The following DGKB variants were observed in gnomAD, a reference collection of about 807,000 sequenced individuals.
The protein encoded by DGKB is diacylglycerol kinase beta, also known as 90 kDa diacylglycerol kinase.
In DGKB, 67 loss-of-function variants were observed where a neutral mutation model predicts 114.3. That is an observed-to-expected ratio of 0.59 (90% CI 0.48 to 0.72). The LOEUF (loss-of-function observed/expected upper bound fraction) is 0.72, where lower values mean the gene tolerates loss of function less well. DGKB is among the 30% of genes least tolerant of loss of function. DGKB has a pLI of 0.00. For synonymous variants in DGKB, 398 were observed against 323.1 expected (o/e 1.23, Z -2.49); for missense variants, 907 against 975.2 (o/e 0.93, Z 0.93).
chr7:14,797,109 T>C (rs1456416502), intron 2 of DGKB, among the ~76,000 whole-genome samples: 1 of 152,142 alleles, frequency 6.6e-6, no homozygotes, highest in Non-Finnish European at 1.5e-5. Context: ...GTCAATGTTT[T>C]TACTTTTTAC....
At chr7:14,559,801 A>C (rs938574900) in intron 20 of DGKB, among the ~76,000 whole-genome samples, 1 of 152,214 alleles carries the variant, frequency 6.6e-6, no homozygotes, top group Non-Finnish European at 1.5e-5. Flanking sequence ...CCAGGATGTC[A>C]CTTGGCCCCT....
Position 14,345,400 on chromosome 7 carries a change from G to A in DGKB, c.1836-9C>T. The A allele has an allele frequency of 6.9e-7, 1 of 1,450,184 alleles. No homozygotes were observed. The allele number at this position is 1,450,184 out of a possible 1,614,324, so 89.8% of individuals were successfully genotyped here. A position where few individuals can be genotyped will look rare whatever the true frequency, so the allele number is the denominator to read the frequency against. ...AAAATTTGTTCTTCATTCTGAAAAA[G>A]AAAAGGAAGAAGCACCTTAGGCAAT... On this transcript the variant is annotated splice_polypyrimidine_tract_variant and intron_variant, in intron 21 of 25. Coordinates refer to ENST00000402815, the MANE Select transcript of DGKB (RefSeq NM_001350709.2).
intron 1 of DGKB, among the ~76,000 whole-genome samples, chr7:14,958,614 G>A (rs559557641): frequency 6.6e-6 from 1 of 152,006 alleles, no homozygotes; most frequent in African/African-American, 2.4e-5. Context: ...TTTTCTTAAA[G>A]TAACCAGTAT....
At chr7:14,261,021 C>T (rs1326671899) in intron 23 of DGKB, among the ~76,000 whole-genome samples, 1 of 151,954 alleles carries the variant, frequency 6.6e-6, no homozygotes, top group Non-Finnish European at 1.5e-5. Flanking sequence ...ATCAAATTAG[C>T]TGAATAAATG....
intron 13 of DGKB, among the ~76,000 whole-genome samples, chr7:14,667,457 A>T (rs1818239564): frequency 6.6e-6 from 1 of 152,090 alleles, no homozygotes; most frequent in Non-Finnish European, 1.5e-5. Context: ...TTATAATGTG[A>T]TAGAGATAAT....
chr7:14,947,530 T>C (rs1785951066), intron 1 of DGKB, among the ~76,000 whole-genome samples: 2 of 135,512 alleles, frequency 1.5e-5, no homozygotes, highest in South Asian at 5.5e-4. Context: ...TTTAATGTAA[T>C]TATATGGTTG....
intron 21 of DGKB, among the ~76,000 whole-genome samples, chr7:14,468,522 C>T (rs1780813042): frequency 6.7e-6 from 1 of 149,112 alleles, no homozygotes; most frequent in East Asian, 2.0e-4. Context: ...TGATAGTTTA[C>T]TTATTATGGA....
At chr7:14,480,045 AT>A (rs905613004) in intron 20 of DGKB, among the ~76,000 whole-genome samples, 2 of 151,644 alleles carry the variant, frequency 1.3e-5, no homozygotes, top group African/African-American at 2.4e-5. Context: ...GTGTAGTACA[AT>A]TTTTTTTACA....
chr7:14,562,408 C>T (rs1221559991), intron 20 of DGKB, among the ~76,000 whole-genome samples: 1 of 152,182 alleles, frequency 6.6e-6, no homozygotes, highest in Non-Finnish European at 1.5e-5. Flanking sequence ...AGAGGGCCAC[C>T]ATCCTCCACA....
intron 3 of DGKB, 138 bp downstream of exon 3, chr7:14,757,517 T>C (rs1835060468): frequency 1.8e-6 from 1 of 541,286 alleles, no homozygotes; most frequent in Non-Finnish European, 3.3e-6. Context: ...TACATACATC[T>C]GTATCATACA....
At chr7:14,666,248 G>A (rs1817999482) in intron 13 of DGKB, among the ~76,000 whole-genome samples, 1 of 151,902 alleles carries the variant, frequency 6.6e-6, no homozygotes, top group Non-Finnish European at 1.5e-5. Context: ...TTAAAATAGG[G>A]AGTTTTATAT....
At chr7:14,325,751 T>C (rs1292155018) in intron 23 of DGKB, among the ~76,000 whole-genome samples, 2 of 152,184 alleles carry the variant, frequency 1.3e-5, no homozygotes, top group Admixed American at 6.5e-5. Context: ...ATGGATCACA[T>C]TTATTTTTAT....
At chr7:14,391,248 G>A (rs989513497) in intron 21 of DGKB, among the ~76,000 whole-genome samples, 1 of 152,126 alleles carries the variant, frequency 6.6e-6, no homozygotes, top group African/African-American at 2.4e-5. Context: ...GCTGTATTTT[G>A]AAGAAGTCTA....
intron 20 of DGKB, among the ~76,000 whole-genome samples, chr7:14,503,877 A>G (rs1036297726): frequency 2.0e-5 from 3 of 152,202 alleles, no homozygotes; most frequent in Non-Finnish European, 2.9e-5. Flanking sequence ...TCTACACAGA[A>G]GCATTAGCAA....
At chr7:14,899,408 A>G (rs1180156581) in intron 1 of DGKB, among the ~76,000 whole-genome samples, 1 of 152,074 alleles carries the variant, frequency 6.6e-6, no homozygotes, top group Non-Finnish European at 1.5e-5. Flanking sequence ...ATTTAAAGAG[A>G]TGTTTTGAGT....
At chr7:14,191,604 T>C in intron 23 of DGKB, 1 of 262,076 alleles carries the variant, frequency 3.8e-6, no homozygotes, top group Non-Finnish European at 8.0e-6. Flanking sequence ...TGGGTTACCT[T>C]TGCTCCAGTC....
At chr7:14,879,012 G>T (rs951126911) in intron 1 of DGKB, among the ~76,000 whole-genome samples, 1 of 151,580 alleles carries the variant, frequency 6.6e-6, no homozygotes, top group South Asian at 2.1e-4. Context: ...TTATATTTTG[G>T]TGCTCAAAAA....
chr7:14,212,408 T>TTTTATTTACTCTCATGTTTTGTGATTTTA lies in DGKB; in HGVS notation c.2123-34258_2123-34257insTAAAATCACAAAACATGAGAGTAAATAAA, dbSNP rs1554289985. On this transcript the variant is annotated intron_variant, in intron 23 of 25. Coordinates refer to ENST00000402815, the MANE Select transcript of DGKB (RefSeq NM_001350709.2). ...TGATATTTACTCTCATGTTTTGTGA[T>TTTTATTTACTCTCATGTTTTGTGATTTTA]TTTACTCTCGTGTTTTGTGATATTT... Among the ~76,000 whole-genome samples the TTTTATTTACTCTCATGTTTTGTGATTTTA allele has an allele frequency of 9.1e-5, 2 of 22,048 alleles. 1 individual carries two copies. Among genetic ancestry groups the TTTTATTTACTCTCATGTTTTGTGATTTTA allele is most frequent in the Admixed American group, 7.1e-4 (2 of 2,810 alleles). The allele number at this position is 22,048 out of a possible 152,430, so 14.5% of individuals were successfully genotyped here. A position where few individuals can be genotyped will look rare whatever the true frequency, so the allele number is the denominator to read the frequency against.
chr7:14,349,207 GAATC>G (rs1562986773), intron 21 of DGKB, among the ~76,000 whole-genome samples: 1 of 152,006 alleles, frequency 6.6e-6, no homozygotes, highest in Admixed American at 6.6e-5. Context: ...AAATGAGGTA[GAATC>G]AATAGGAACT....
Sources: gnomAD v4.1 joint callset for allele counts (sites outside exome capture counted in the v4.1 genomes callset) on GRCh38, gnomAD v4.1.1 for gene constraint, MANE v1.5 for transcripts, NCBI Gene and HGNC (gene_info 2026-07-23, HGNC 2026-07-21) for gene names.